The following EYS variants were observed in gnomAD, a reference collection of about 807,000 sequenced individuals.
EYS encodes protein eyes shut homolog.
Under a neutral mutation model 282.1 loss-of-function variants are expected in EYS, and 250 were observed. The observed-to-expected ratio is 0.89, with a 90% CI of 0.80 to 0.98. The LOEUF (loss-of-function observed/expected upper bound fraction) is 0.98. Ranked by LOEUF, EYS falls within the 50% of genes least tolerant of loss-of-function variation. EYS has a pLI of 0.00. For missense variants in EYS, 4,016 were observed against 3,709.0 expected (o/e 1.08, Z -2.15); for synonymous variants, 1,355 against 1,282.9 (o/e 1.06, Z -1.20).
intron 35 of EYS, among the ~76,000 whole-genome samples, chr6:63,866,472 T>C (rs1772673853): frequency 6.6e-6 from 1 of 152,218 alleles, no homozygotes; most frequent in African/African-American, 2.4e-5. Context: ...TAAGCATTGA[T>C]TGATTTAAAT....
At chr6:64,369,977 A>T (rs1054649778) in intron 29 of EYS, among the ~76,000 whole-genome samples, 3 of 152,060 alleles carry the variant, frequency 2.0e-5, no homozygotes, top group African/African-American at 7.2e-5. Flanking sequence ...GTCTGCAAAC[A>T]GGGATAGTTT....
At chr6:63,817,396 C>A (rs1483160569) in intron 36 of EYS, among the ~76,000 whole-genome samples, 2 of 152,180 alleles carry the variant, frequency 1.3e-5, no homozygotes, top group African/African-American at 4.8e-5. Flanking sequence ...AACCTCCTGA[C>A]AGGAGCTGGG....
At chr6:64,538,504 G>T (rs1764598710) in intron 26 of EYS, among the ~76,000 whole-genome samples, 1 of 151,932 alleles carries the variant, frequency 6.6e-6, no homozygotes, top group African/African-American at 2.4e-5. Flanking sequence ...TAATATCTAT[G>T]CCCTTAAATC....
intron 14 of EYS, among the ~76,000 whole-genome samples, chr6:64,972,304 G>A (rs1385316564): frequency 6.6e-6 from 1 of 152,120 alleles, no homozygotes; most frequent in Non-Finnish European, 1.5e-5. Flanking sequence ...TGAAACTAAA[G>A]CAAATGGCAG....
At chr6:64,017,491 G>A (rs1156954210) in intron 33 of EYS, among the ~76,000 whole-genome samples, 1 of 152,136 alleles carries the variant, frequency 6.6e-6, no homozygotes, top group African/African-American at 2.4e-5. Flanking sequence ...TTTTGTGTCT[G>A]TTTTTCTCTC....
chr6:65,355,233 GT>G (rs1764433683), intron 8 of EYS, among the ~76,000 whole-genome samples: 1 of 152,026 alleles, frequency 6.6e-6, no homozygotes, highest in Admixed American at 6.6e-5. Context: ...TTCCCTCTGA[GT>G]CCCCAAAGAC....
At chr6:64,091,828 G>T (rs1318343668) in intron 31 of EYS, among the ~76,000 whole-genome samples, 1 of 151,984 alleles carries the variant, frequency 6.6e-6, no homozygotes, top group Non-Finnish European at 1.5e-5. Flanking sequence ...GTATACATGT[G>T]CCATGTTGGT....
intron 14 of EYS, among the ~76,000 whole-genome samples, chr6:64,981,940 T>C (rs778801211): frequency 1.3e-5 from 2 of 151,234 alleles, no homozygotes; most frequent in Non-Finnish European, 3.0e-5. Context: ...AAACCAGTAA[T>C]ATGAAAGTAC....
chr6:65,440,487 C>T (rs967748713), intron 5 of EYS, among the ~76,000 whole-genome samples: 2 of 150,982 alleles, frequency 1.3e-5, no homozygotes, highest in African/African-American at 4.9e-5. Flanking sequence ...TTTGGAAGAC[C>T]CATTATAATA....
intron 5 of EYS, among the ~76,000 whole-genome samples, chr6:65,430,232 T>A (rs1212827078): frequency 6.6e-6 from 1 of 152,164 alleles, no homozygotes; most frequent in Non-Finnish European, 1.5e-5. Flanking sequence ...TATCCTTTTT[T>A]AACTTCATAT....
chr6:64,766,452 T>C (rs1773339132), intron 22 of EYS, among the ~76,000 whole-genome samples: 2 of 147,844 alleles, frequency 1.4e-5, no homozygotes, highest in South Asian at 4.3e-4. Context: ...ACCAATATGG[T>C]GAAACTCTGT....
At chr6:64,645,098 G>A (rs182338793) in intron 22 of EYS, among the ~76,000 whole-genome samples, 1 of 152,182 alleles carries the variant, frequency 6.6e-6, no homozygotes, top group Non-Finnish European at 1.5e-5. Context: ...AAATTTCTTT[G>A]GAAAACTAAA....
chr6:64,308,680 A>C (rs1769552301), intron 29 of EYS, among the ~76,000 whole-genome samples: 1 of 152,046 alleles, frequency 6.6e-6, no homozygotes, highest in South Asian at 2.1e-4. Flanking sequence ...TCTTGTTTAG[A>C]AATTTCAGGA....
rs1329914845 is a variant in EYS, at chr6:64,736,317, A to T, written c.3443+77061T>A. On this transcript the variant is annotated intron_variant, in intron 22 of 42. Coordinates refer to ENST00000503581, the MANE Select transcript of EYS (RefSeq NM_001142800.2). ...ATAGAAATCATGTAGTTAAAAATAA[A>T]ATTCTATTTTTGAGTATTGAATGAA... Among the ~76,000 whole-genome samples the T allele has an allele frequency of 2.0e-5, 3 of 152,276 alleles. No individual in the cohort carries two copies. The East Asian group carries it at 5.8e-4, about 29-fold the overall frequency.
At chr6:65,260,706 A>T (rs1444910375) in intron 12 of EYS, among the ~76,000 whole-genome samples, 1 of 152,110 alleles carries the variant, frequency 6.6e-6, no homozygotes, top group Non-Finnish European at 1.5e-5. Context: ...CTTATATGTC[A>T]CACAATATCC....
At chr6:64,645,590 G>A (rs1311242955) in intron 22 of EYS, among the ~76,000 whole-genome samples, 3 of 152,194 alleles carry the variant, frequency 2.0e-5, no homozygotes, top group Admixed American at 1.3e-4. Context: ...GTAAATGACA[G>A]ATGCTTTTCA....
chr6:64,531,882 A>C (rs1179203672), intron 26 of EYS, among the ~76,000 whole-genome samples: 1 of 152,136 alleles, frequency 6.6e-6, no homozygotes, highest in African/African-American at 2.4e-5. Context: ...CATTGAGCAC[A>C]CTGAAAGTAT....
intron 16 of EYS, among the ~76,000 whole-genome samples, chr6:64,906,812 G>C (rs1300192247): frequency 1.3e-5 from 2 of 151,956 alleles, no homozygotes; most frequent in African/African-American, 4.8e-5. Context: ...TATTTGATAG[G>C]GTAATTTTTT....
At chr6:65,442,444 C>T (rs1017148683) in intron 5 of EYS, among the ~76,000 whole-genome samples, 3 of 151,900 alleles carry the variant, frequency 2.0e-5, no homozygotes, top group African/African-American at 7.2e-5. Context: ...CTGTAAACTA[C>T]TGTTTTTCAT....
Sources: allele counts gnomAD v4.1 joint callset (sites outside exome capture counted in the v4.1 genomes callset), GRCh38; gene constraint gnomAD v4.1.1; transcripts MANE v1.5; gene names NCBI Gene and HGNC (gene_info 2026-07-23, HGNC 2026-07-21).